The following TRABD2B variants were observed in gnomAD, a reference collection of about 807,000 sequenced individuals.
TRABD2B encodes TraB domain containing 2B.
Under a neutral mutation model 40.1 loss-of-function variants are expected in TRABD2B, and 14 were observed. The ratio of observed to expected loss-of-function variants is 0.35; its 90% CI spans 0.23 to 0.55. The LOEUF (loss-of-function observed/expected upper bound fraction) is 0.55, where lower values mean the gene tolerates loss of function less well. TRABD2B is among the 20% of genes least tolerant of loss of function. TRABD2B has a pLI of 0.90. For missense variants in TRABD2B, 541 were observed against 648.6 expected (o/e 0.83, Z 1.80); for synonymous variants, 263 against 277.0 (o/e 0.95, Z 0.50).
chr1:47,945,360 T>C (rs916741037), intron 2 of TRABD2B, among the ~76,000 whole-genome samples: 3 of 152,174 alleles, frequency 2.0e-5, no homozygotes, highest in African/African-American at 7.2e-5. Flanking sequence ...AACATTTGCA[T>C]GCTTTCTGCC....
chr1:47,812,998 C>T (rs571351206), intron 2 of TRABD2B, among the ~76,000 whole-genome samples: 38 of 152,134 alleles, frequency 2.5e-4, no homozygotes, highest in Admixed American at 3.9e-4. Context: ...ATGGTCTACA[C>T]GGGAGGCGAT....
At position 47,764,108 on chromosome 1, in the gene TRABD2B, G is replaced by T. The variant is rs1011055836; in HGVS notation, c.*1794C>A. The T allele has an allele frequency of 6.6e-6, 1 of 152,228 alleles. No homozygotes were observed. The highest frequency in any genetic ancestry group is 1.5e-5 in the Non-Finnish European group (1 of 68,056). 9.4% of individuals were successfully genotyped at this position (152,228 alleles called of 1,614,324 possible). A position where few individuals can be genotyped will look rare whatever the true frequency, so the allele number is the denominator to read the frequency against. On this transcript the variant is annotated 3_prime_UTR_variant, in exon 7 of 7. Transcript: ENST00000606738. Reference sequence around the variant, plus strand: ...TCCCATGAGCTGCCCAGAACTTGCCGTCTCAGAAGGGAGATAGCTGCCAAG... The same window carrying T: ...TCCCATGAGCTGCCCAGAACTTGCCTTCTCAGAAGGGAGATAGCTGCCAAG...
chr1:47,923,898 CTACACACA>C (rs1159824192), intron 2 of TRABD2B, among the ~76,000 whole-genome samples: 175 of 140,092 alleles, frequency 1.2e-3, no homozygotes, highest in East Asian at 1.3e-3. Flanking sequence ...CTCTCACTCT[CTACACACA>C]TACACACATA....
rs566185007 is a variant in TRABD2B at position 47,886,120 on chromosome 1, C to G, written c.667-84501G>C. On this transcript the variant is annotated intron_variant, in intron 2 of 6. Transcript: ENST00000606738. ...CCAAGGATTCATCCTCAGGTACAAACTTTTTCCCTAAGATCCTTCCATCCT... is the reference window on the plus strand; with the variant it reads ...CCAAGGATTCATCCTCAGGTACAAAGTTTTTCCCTAAGATCCTTCCATCCT... 3.3e-5 allele frequency among the ~76,000 whole-genome samples: 5 copies of G among 152,252 alleles called. No individual in the cohort carries two copies. In the South Asian group the frequency reaches 1.0e-3, roughly 32 times the overall value.
Position 47,760,742 on chromosome 1 carries a change from C to T in TRABD2B, c.*5160G>A, listed in dbSNP as rs1218940255. 5 of 152,120 alleles carry T rather than the reference C, an allele frequency of 3.3e-5. No individual in the cohort carries two copies. Among genetic ancestry groups the T allele is most frequent in the African/African-American group, 9.7e-5 (4 of 41,422 alleles). 9.4% of individuals were successfully genotyped at this position (152,120 alleles called of 1,614,324 possible). A position where few individuals can be genotyped will look rare whatever the true frequency, so the allele number is the denominator to read the frequency against. On this transcript the variant is annotated 3_prime_UTR_variant, in exon 7 of 7. Transcript: ENST00000606738. The stretch of plus-strand genomic sequence containing the variant: ...GCCTGTGTTGCACAGTGAATCAACT[C>T]GGGGACAAGCTCTGTGAGGCTCAAG...
At chr1:47,828,355 A>G (rs565892052) in intron 2 of TRABD2B, among the ~76,000 whole-genome samples, 7 of 152,070 alleles carry the variant, frequency 4.6e-5, no homozygotes, top group Non-Finnish European at 8.8e-5. Context: ...GCGTCCCCCT[A>G]TGTGGGTGAG....
intron 4 of TRABD2B, among the ~76,000 whole-genome samples, chr1:47,780,807 G>T (rs1644511288): frequency 6.6e-6 from 1 of 152,206 alleles, no homozygotes; most frequent in African/African-American, 2.4e-5. Flanking sequence ...GCATGAACAG[G>T]CCCTTCCGGA....
At chr1:47,827,188 G>A (rs1282385746) in intron 2 of TRABD2B, among the ~76,000 whole-genome samples, 2 of 152,208 alleles carry the variant, frequency 1.3e-5, no homozygotes. Context: ...CCCAAACTCA[G>A]CCTCCGGCTC....
At chr1:47,812,538 C>T (rs1161872260) in intron 2 of TRABD2B, among the ~76,000 whole-genome samples, 2 of 126,844 alleles carry the variant, frequency 1.6e-5, no homozygotes, top group African/African-American at 6.0e-5. Context: ...CTGGGAAACA[C>T]AGGGAGACCC....
intron 2 of TRABD2B, among the ~76,000 whole-genome samples, chr1:47,849,989 T>C (rs1645525823): frequency 6.6e-6 from 1 of 152,210 alleles, no homozygotes; most frequent in South Asian, 2.1e-4. Flanking sequence ...CACAGGAGAA[T>C]TGCAAAACCA....
intron 2 of TRABD2B, among the ~76,000 whole-genome samples, chr1:47,822,710 G>A (rs1388608454): frequency 6.6e-6 from 1 of 152,214 alleles, no homozygotes; most frequent in Non-Finnish European, 1.5e-5. Flanking sequence ...TCAGAGATGA[G>A]GAAACAGAAG....
At chr1:47,780,237 C>T (rs1052148645) in intron 4 of TRABD2B, among the ~76,000 whole-genome samples, 2 of 152,190 alleles carry the variant, frequency 1.3e-5, no homozygotes, top group Non-Finnish European at 2.9e-5. Context: ...CTGGCAACCA[C>T]CACACTTACT....
At chr1:47,835,802 A>G (rs989306525) in intron 2 of TRABD2B, among the ~76,000 whole-genome samples, 1 of 152,226 alleles carries the variant, frequency 6.6e-6, no homozygotes, top group Non-Finnish European at 1.5e-5. Flanking sequence ...AGGACACTAG[A>G]CAGCGACATA....
chr1:47,844,142 AC>A (rs891009320), intron 2 of TRABD2B, among the ~76,000 whole-genome samples: 1 of 152,168 alleles, frequency 6.6e-6, no homozygotes, highest in Non-Finnish European at 1.5e-5. Context: ...AAATCATGTC[AC>A]CGTCCCCTGC....
At chr1:47,786,497 G>T (rs941931628) in intron 4 of TRABD2B, among the ~76,000 whole-genome samples, 1 of 152,216 alleles carries the variant, frequency 6.6e-6, no homozygotes, top group Non-Finnish European at 1.5e-5. Context: ...GCCTGAAGCA[G>T]CAACGGCGAC....
chr1:47,864,098 G>A (rs1470228124), intron 2 of TRABD2B, among the ~76,000 whole-genome samples: 1 of 152,156 alleles, frequency 6.6e-6, no homozygotes, highest in African/African-American at 2.4e-5. Flanking sequence ...GGTGTTGTGG[G>A]GAGGGAGGAA....
At chr1:47,953,787 C>A (rs967741738) in intron 2 of TRABD2B, among the ~76,000 whole-genome samples, 1 of 152,320 alleles carries the variant, frequency 6.6e-6, no homozygotes, top group African/African-American at 2.4e-5. Flanking sequence ...GTTTCTTATT[C>A]TTTCACCTAG....
At chr1:47,808,356 C>T (rs1644920108) in intron 2 of TRABD2B, among the ~76,000 whole-genome samples, 1 of 152,090 alleles carries the variant, frequency 6.6e-6, no homozygotes, top group Non-Finnish European at 1.5e-5. Context: ...GATACATACA[C>T]ACATACATAT....
intron 2 of TRABD2B, among the ~76,000 whole-genome samples, chr1:47,827,636 A>C (rs1246231379): frequency 3.3e-5 from 5 of 152,214 alleles, no homozygotes; most frequent in Non-Finnish European, 7.4e-5. Context: ...AAAAATAATC[A>C]GAACAGCCAC....
Sources: allele counts gnomAD v4.1 joint callset (sites outside exome capture counted in the v4.1 genomes callset), GRCh38; gene constraint gnomAD v4.1.1; transcripts MANE v1.5; gene names NCBI Gene and HGNC (gene_info 2026-07-23, HGNC 2026-07-21).